PCDHA1: variants seen among roughly 807,000 people sequenced by gnomAD.
The protein encoded by PCDHA1 is protocadherin alpha 1, also known as protocadherin alpha-1.
PCDHA1 carries 42 observed loss-of-function variants against 61.3 expected under a neutral mutation model. The observed-to-expected ratio is 0.69, with a 90% confidence interval of 0.54 to 0.89. The LOEUF is 0.89. Among genes scored for constraint, PCDHA1 ranks in the 40% least tolerant of loss-of-function variants. The pLI is 0.00. For synonymous variants in PCDHA1, 610 were observed against 553.8 expected (o/e 1.10, Z -1.43); for missense variants, 1,256 against 1,235.3 (o/e 1.02, Z -0.25).
At chr5:140,862,916 G>T (rs1581662111) in intron 1 of PCDHA1, 1 of 547,888 alleles carries the variant, frequency 1.8e-6, no homozygotes, top group Non-Finnish European at 3.5e-6. Context: ...CTGGCGCCTT[G>T]GGTGGGCTGG....
chr5:140,819,333 C>T (rs2150103874), intron 1 of PCDHA1, among the ~76,000 whole-genome samples: 20 of 152,126 alleles, frequency 1.3e-4, no homozygotes, highest in African/African-American at 4.6e-4. Flanking sequence ...GAATAAAGGA[C>T]ATTTGTACCC....
chr5:140,926,629 G>C, intron 1 of PCDHA1: 1 of 406,364 alleles, frequency 2.5e-6, no homozygotes, highest in Non-Finnish European at 4.2e-6. Flanking sequence ...GCGGCGCTGC[G>C]CTCCTCAACA....
At chr5:140,948,325 C>T (rs1554218520) in intron 1 of PCDHA1, among the ~76,000 whole-genome samples, 1 of 151,476 alleles carries the variant, frequency 6.6e-6, no homozygotes. Flanking sequence ...GTAATGTTTT[C>T]ATTAGGTTTT....
At chr5:140,857,986 A>C in intron 1 of PCDHA1, 1 of 1,596,686 alleles carries the variant, frequency 6.3e-7, no homozygotes, top group South Asian at 1.1e-5. Flanking sequence ...GCCAGCGCCT[A>C]CTGGTGCTGG....
chr5:140,941,304 CTTTT>C (rs2093021953), intron 1 of PCDHA1, among the ~76,000 whole-genome samples: 1 of 84,848 alleles, frequency 1.2e-5, no homozygotes, highest in African/African-American at 4.2e-5. Context: ...TTCTTTCTTT[CTTTT>C]TCTTCTTTCT....
intron 3 of PCDHA1, among the ~76,000 whole-genome samples, chr5:141,007,680 C>G (rs1179621299): frequency 1.3e-5 from 2 of 152,148 alleles, no homozygotes; most frequent in African/African-American, 4.8e-5. Flanking sequence ...CAAAAGTTAT[C>G]CTACTTCCAC....
chr5:140,834,218 G>A (rs2150214230), intron 1 of PCDHA1: 2 of 668,586 alleles, frequency 3.0e-6, no homozygotes, highest in Non-Finnish European at 5.0e-6. Flanking sequence ...TTCGTAATCA[G>A]CAAAAGGAAG....
chr5:140,851,291 C>A, intron 1 of PCDHA1: 1 of 1,030,836 alleles, frequency 9.7e-7, no homozygotes, highest in Non-Finnish European at 1.2e-6. Context: ...GAAACCCAAG[C>A]AAAAATATAT....
At chr5:140,986,151 G>A (rs547474191) in intron 3 of PCDHA1, among the ~76,000 whole-genome samples, 1 of 152,198 alleles carries the variant, frequency 6.6e-6, no homozygotes, top group African/African-American at 2.4e-5. Flanking sequence ...GCATCACCAA[G>A]TAATGTTTTC....
At chr5:141,006,412 A>G (rs1423476125) in intron 3 of PCDHA1, among the ~76,000 whole-genome samples, 7 of 151,898 alleles carry the variant, frequency 4.6e-5, no homozygotes, top group African/African-American at 1.7e-4. Flanking sequence ...ACGCGGTTTC[A>G]CTGTGTTAGC....
At chr5:140,926,529 A>T in intron 1 of PCDHA1, 1 of 209,686 alleles carries the variant, frequency 4.8e-6, no homozygotes, top group Admixed American at 5.9e-5. Context: ...CTGCGCCCGC[A>T]GCCAGCGTGG....
intron 1 of PCDHA1, chr5:140,856,890 G>GTATT: frequency 6.3e-7 from 1 of 1,596,172 alleles, no homozygotes; most frequent in Non-Finnish European, 8.6e-7. Context: ...TATTCATTTA[G>GTATT]CTCTTTGGTC....
At position 140,857,632 on chromosome 5, in the gene PCDHA1, G is replaced by C; in HGVS notation, c.2394+68948G>C. On this transcript the variant is annotated intron_variant, in intron 1 of 3. Transcript: ENST00000504120. ...AGCCGCTGGACCACGAGGAGCTGGA[G>C]CTGCTACAGTTCCAGGTGAGCGCGC... 1.9e-6 allele frequency: 3 copies of C among 1,596,770 alleles called. 1 individual carries two copies. Among genetic ancestry groups the C allele is most frequent in the Non-Finnish European group, 2.6e-6 (3 of 1,167,764 alleles).
At chr5:140,967,092 C>A (rs782344374) in intron 1 of PCDHA1, 4 of 1,613,156 alleles carry the variant, frequency 2.5e-6, no homozygotes, top group Non-Finnish European at 2.5e-6. Context: ...GATCGGGAGG[C>A]GCTGTGTGAG....
chr5:140,967,838 G>A, intron 1 of PCDHA1: 1 of 1,614,124 alleles, frequency 6.2e-7, no homozygotes, highest in Non-Finnish European at 8.5e-7. Flanking sequence ...CATCGTGGAC[G>A]TGAATGACAA....
intron 1 of PCDHA1, chr5:140,870,602 A>G: frequency 6.2e-7 from 1 of 1,613,246 alleles, no homozygotes; most frequent in Non-Finnish European, 8.5e-7. Flanking sequence ...CGGTTGGGCG[A>G]CCGCGCGCTG....
At chr5:140,802,124 T>C in intron 1 of PCDHA1, 1 of 1,614,212 alleles carries the variant, frequency 6.2e-7, no homozygotes, top group South Asian at 1.1e-5. Flanking sequence ...GTAACATAGA[T>C]TTCGAGGAAA....
At chr5:140,988,157 G>A (rs1344911037) in intron 3 of PCDHA1, among the ~76,000 whole-genome samples, 5 of 152,014 alleles carry the variant, frequency 3.3e-5, no homozygotes, top group African/African-American at 7.3e-5. Context: ...AACTTCTGCC[G>A]TTGTCATAGC....
intron 1 of PCDHA1, among the ~76,000 whole-genome samples, chr5:140,838,563 G>A (rs1007641143): frequency 9.9e-5 from 15 of 151,752 alleles, no homozygotes; most frequent in Non-Finnish European, 1.9e-4. Context: ...ATCCAGTACT[G>A]TATTAGGGAC....
Sources: gnomAD v4.1 joint callset for allele counts (sites outside exome capture counted in the v4.1 genomes callset) on GRCh38, gnomAD v4.1.1 for gene constraint, MANE v1.5 for transcripts, NCBI Gene and HGNC (gene_info 2026-07-23, HGNC 2026-07-21) for gene names.